Variants in DOCK3 observed in about 807,000 individuals in gnomAD.
DOCK3 encodes dedicator of cytokinesis 3, also known as dedicator of cytokinesis protein 3.
Under a neutral mutation model 265.6 loss-of-function variants are expected in DOCK3, and 60 were observed. That is an observed-to-expected ratio of 0.23 (90% CI 0.18 to 0.28). The LOEUF (loss-of-function observed/expected upper bound fraction) is 0.28. Ranked by LOEUF, DOCK3 falls within the 10% of genes least tolerant of loss-of-function variation. The pLI is 1.00. For missense variants in DOCK3, 1,981 were observed against 2,594.3 expected (o/e 0.76, Z 5.14); for synonymous variants, 881 against 938.0 (o/e 0.94, Z 1.11).
chr3:51,112,925 C>T (rs148371491), intron 9 of DOCK3, among the ~76,000 whole-genome samples: 68 of 152,208 alleles, frequency 4.5e-4, no homozygotes, highest in Non-Finnish European at 8.7e-4. Context: ...GCTGCTACAT[C>T]TAAAAGGTAT....
chr3:51,318,349 A>G (rs1367176530), intron 32 of DOCK3, among the ~76,000 whole-genome samples: 1 of 152,202 alleles, frequency 6.6e-6, no homozygotes, highest in African/African-American at 2.4e-5. Context: ...ACTGCTCACC[A>G]GTCTGGGCAA....
chr3:51,148,388 T>A (rs1187434474), intron 10 of DOCK3, among the ~76,000 whole-genome samples: 1 of 152,194 alleles, frequency 6.6e-6, no homozygotes, highest in Non-Finnish European at 1.5e-5. Context: ...TGCCATTGCT[T>A]TTGGTGTTTT....
At chr3:50,788,216 G>T in intron 2 of DOCK3, 2 of 757,562 alleles carry the variant, frequency 2.6e-6, no homozygotes, top group Non-Finnish European at 4.0e-6. Context: ...CTATCATCTT[G>T]TGCCATTCCT....
At chr3:51,096,017 A>G (rs1211642960) in intron 9 of DOCK3, among the ~76,000 whole-genome samples, 4 of 151,124 alleles carry the variant, frequency 2.6e-5, no homozygotes, top group African/African-American at 9.7e-5. Context: ...TTTGTGGGTA[A>G]CCCGACCTTT....
chr3:50,724,392 G>A (rs953957810), intron 1 of DOCK3, among the ~76,000 whole-genome samples: 1 of 152,238 alleles, frequency 6.6e-6, no homozygotes, highest in East Asian at 1.9e-4. Flanking sequence ...ACATGCACAC[G>A]TATGTTTATT....
intron 35 of DOCK3, among the ~76,000 whole-genome samples, chr3:51,336,206 T>C (rs909849566): frequency 6.6e-6 from 1 of 152,210 alleles, no homozygotes; most frequent in Non-Finnish European, 1.5e-5. Flanking sequence ...CTCAGAGGAA[T>C]ACCTCTTCAA....
chr3:51,095,658 T>C lies in DOCK3; in HGVS notation c.746+5274T>C, dbSNP rs2082815493. On this transcript the variant is annotated intron_variant, in intron 9 of 52. Transcript: ENST00000266037. Reference sequence around the variant, plus strand: ...TCTTCTGGTTATACAGATTACTTTATCTAATTTTACCTGTTATTTGTTTTA... The same window carrying C: ...TCTTCTGGTTATACAGATTACTTTACCTAATTTTACCTGTTATTTGTTTTA... Among the ~76,000 whole-genome samples the C allele has an allele frequency of 2.0e-5, 3 of 151,754 alleles. No homozygotes were observed. In the South Asian group the frequency reaches 6.2e-4, roughly 32 times the overall value.
At chr3:51,258,466 T>G (rs2079667968) in intron 22 of DOCK3, among the ~76,000 whole-genome samples, 1 of 152,300 alleles carries the variant, frequency 6.6e-6, no homozygotes, top group Non-Finnish European at 1.5e-5. Flanking sequence ...GTCTTAATTC[T>G]TTTCATTTTC....
intron 7 of DOCK3, among the ~76,000 whole-genome samples, chr3:51,080,605 T>C (rs957884151): frequency 1.3e-5 from 2 of 152,204 alleles, no homozygotes; most frequent in Non-Finnish European, 2.9e-5. Flanking sequence ...GACTAAATCA[T>C]TCTCTCAAAA....
chr3:51,205,008 G>A (rs1269895543), intron 12 of DOCK3, among the ~76,000 whole-genome samples: 2 of 150,740 alleles, frequency 1.3e-5, no homozygotes, highest in African/African-American at 4.9e-5. Context: ...ACACTCTGGG[G>A]ACTGTTGTGG....
chr3:51,090,126 C>T (rs2082582677), intron 8 of DOCK3, 104 bp from the exon 9 acceptor site: 5 of 1,230,670 alleles, frequency 4.1e-6, no homozygotes, highest in African/African-American at 3.1e-5. Context: ...AAATAATCTC[C>T]TTCAGTAGTG....
At chr3:51,056,064 CT>C (rs1169543714) in intron 5 of DOCK3, among the ~76,000 whole-genome samples, 1 of 152,142 alleles carries the variant, frequency 6.6e-6, no homozygotes. Context: ...TTTCATATCG[CT>C]TCTTTGCATT....
At chr3:50,761,590 G>A (rs1461449459) in intron 1 of DOCK3, among the ~76,000 whole-genome samples, 1 of 152,132 alleles carries the variant, frequency 6.6e-6, no homozygotes, top group African/African-American at 2.4e-5. Flanking sequence ...CAGGTCCTCA[G>A]CAGCTAATTT....
intron 5 of DOCK3, among the ~76,000 whole-genome samples, chr3:50,970,767 C>A (rs1282456063): frequency 6.9e-6 from 1 of 144,426 alleles, no homozygotes; most frequent in Non-Finnish European, 1.5e-5. Context: ...CACTCTCTTG[C>A]CCAGACTGCA....
At chr3:50,847,507 C>T (rs893742975) in intron 3 of DOCK3, among the ~76,000 whole-genome samples, 1 of 152,084 alleles carries the variant, frequency 6.6e-6, no homozygotes, top group African/African-American at 2.4e-5. Flanking sequence ...TTAGGTCTGA[C>T]TAGTCAAGTG....
At chr3:51,147,395 G>A (rs1338717981) in intron 10 of DOCK3, among the ~76,000 whole-genome samples, 1 of 152,056 alleles carries the variant, frequency 6.6e-6, no homozygotes, top group African/African-American at 2.4e-5. Context: ...ACAACATGCA[G>A]GTTTGTTACA....
intron 5 of DOCK3, among the ~76,000 whole-genome samples, chr3:50,939,201 A>G (rs1308634581): frequency 6.6e-6 from 1 of 152,130 alleles, no homozygotes; most frequent in African/African-American, 2.4e-5. Context: ...AGAAAACCAT[A>G]AATTGTCAAA....
intron 38 of DOCK3, among the ~76,000 whole-genome samples, chr3:51,346,208 G>A (rs2085554070): frequency 6.6e-6 from 1 of 152,208 alleles, no homozygotes. Context: ...TGTTACATAT[G>A]TATACTGTGC....
chr3:50,740,286 T>C (rs1320118151), intron 1 of DOCK3, among the ~76,000 whole-genome samples: 1 of 152,306 alleles, frequency 6.6e-6, no homozygotes, highest in East Asian at 1.9e-4. Context: ...ATATATGGAT[T>C]ATTACCAATT....
Sources: allele counts gnomAD v4.1 joint callset (sites outside exome capture counted in the v4.1 genomes callset), GRCh38; gene constraint gnomAD v4.1.1; transcripts MANE v1.5; gene names NCBI Gene and HGNC (gene_info 2026-07-23, HGNC 2026-07-21).